The following PPP1R16A variants were observed in gnomAD, a reference collection of about 807,000 sequenced individuals.
The protein encoded by PPP1R16A is myosin phosphatase-targeting subunit 3.
PPP1R16A carries 39 observed loss-of-function variants against 46.6 expected under a neutral mutation model. The observed-to-expected ratio is 0.84, with a 90% CI of 0.65 to 1.09. The LOEUF (loss-of-function observed/expected upper bound fraction) is 1.09, where lower values mean the gene tolerates loss of function less well. PPP1R16A is among the 50% of genes least tolerant of loss of function. The pLI is 0.00. For missense variants in PPP1R16A, 798 were observed against 735.6 expected (o/e 1.08, Z -0.98); for synonymous variants, 413 against 321.5 (o/e 1.28, Z -3.04).
chr8:144,495,488 T>G (rs1473332335), intron 2 of PPP1R16A: 3 of 152,234 alleles, frequency 2.0e-5, no homozygotes, highest in Non-Finnish European at 4.4e-5. Flanking sequence ...CAGGCTGGAG[T>G]GCAGTGGCGT....
At chr8:144,482,176 G>A (rs933118095) in intron 1 of PPP1R16A, among the ~76,000 whole-genome samples, 8 of 151,372 alleles carry the variant, frequency 5.3e-5, no homozygotes, top group Non-Finnish European at 7.4e-5. Context: ...GGGTTCAAGC[G>A]ATTCTTCTGC....
chr8:144,494,374 G>A (rs1393226608), intron 2 of PPP1R16A, among the ~76,000 whole-genome samples: 2 of 152,056 alleles, frequency 1.3e-5, no homozygotes, highest in Non-Finnish European at 2.9e-5. Context: ...AGTGCAGGGT[G>A]TGATCTCAGC....
chr8:144,498,799 C>T lies in PPP1R16A; in HGVS notation c.289C>T (p.Pro97Ser). 6.2e-7 allele frequency: 1 copy of T among 1,602,686 alleles called. No homozygotes were observed. The highest frequency in any genetic ancestry group is 8.5e-7 in the Non-Finnish European group (1 of 1,171,770). The change falls in exon 4 of 12, where the codon CCT becomes TCT. Residue 97 changes from proline to serine, a missense_variant. Physicochemically the swap from Pro to Ser is moderately conservative, Grantham distance 74. Transcript: ENST00000435887. ...CCAGTTCCTTGGGAGTGGGGTCAGC[C>T]CTGACTTGGCCAACGAGGACGGCCT... ...VRQFLGSGVS[P>S]DLANEDGLTA...
rs752165596 is a variant in PPP1R16A, at chr8:144,501,741, G to T, written c.1425G>T (p.Gly475=). Reference sequence around the variant, plus strand: ...AGCTGCAGCGACCCCCACCTGAGGGGCCCGAGAGCCCTGAGACAGCTGAGC... The same window carrying T: ...AGCTGCAGCGACCCCCACCTGAGGGTCCCGAGAGCCCTGAGACAGCTGAGC... ...AAKLQRPPPE[G]PESPETAEPG... The change falls in exon 12 of 12, where the codon GGG becomes GGT. Residue 475 remains glycine, a synonymous_variant. Transcript: ENST00000435887. 2 of 1,576,700 alleles carry T rather than the reference G, an allele frequency of 1.3e-6. No homozygotes were observed. The highest frequency in any genetic ancestry group is 1.7e-6 in the Non-Finnish European group (2 of 1,162,286).
chr8:144,501,415 T>C (rs565732831), intron 11 of PPP1R16A, 105 bp from the exon 12 acceptor site: 1 of 1,477,746 alleles, frequency 6.8e-7, no homozygotes, highest in South Asian at 1.4e-5. Context: ...GGCCAGCTTT[T>C]GCCCCATCTC....
chr8:144,497,535 G>A (rs1443292587), intron 3 of PPP1R16A, 82 bp downstream of exon 3: 2 of 1,574,650 alleles, frequency 1.3e-6, no homozygotes, highest in Non-Finnish European at 1.7e-6. Context: ...CCAAGGCTGG[G>A]GGCTGGGCCT....
At chr8:144,498,155 G>A (rs755619842) in intron 3 of PPP1R16A, 48 of 444,944 alleles carry the variant, frequency 1.1e-4, no homozygotes, top group Non-Finnish European at 2.0e-4. Context: ...GAGCCCTCCC[G>A]GGAGGCCTGG....
chr8:144,479,215 G>A (rs1825301394), intron 1 of PPP1R16A: 1 of 152,576 alleles, frequency 6.6e-6, no homozygotes, highest in Admixed American at 6.5e-5. Flanking sequence ...AGGAGCTCCG[G>A]CGGCGTGCGG....
intron 1 of PPP1R16A, among the ~76,000 whole-genome samples, chr8:144,483,110 CA>C (rs1327125295): frequency 6.6e-6 from 1 of 152,162 alleles, no homozygotes; most frequent in African/African-American, 2.4e-5. Flanking sequence ...CGTATGTACC[CA>C]GAAGTAGGAT....
chr8:144,499,793 T>C, intron 5 of PPP1R16A: 2 of 369,744 alleles, frequency 5.4e-6, no homozygotes, highest in Admixed American at 7.9e-5. Context: ...CGCCACCCTG[T>C]GCTCCCTGCT....
chr8:144,486,040 G>A (rs1825615096), intron 1 of PPP1R16A, among the ~76,000 whole-genome samples: 1 of 152,166 alleles, frequency 6.6e-6, no homozygotes, highest in Non-Finnish European at 1.5e-5. Context: ...ATGGATGGAC[G>A]GACCATCATG....
rs779680086 is a variant in PPP1R16A at position 144,497,471 on chromosome 8, C to T, written c.259+18C>T. On this transcript the variant is annotated intron_variant, in intron 3 of 11. Transcript: ENST00000435887. The stretch of plus-strand genomic sequence containing the variant: ...GGAAGAAGGTGAGTGTGGCTGAGCC[C>T]AGAGCAGCTCCCAGCAGACGGCCCA... The T allele has an allele frequency of 1.2e-6, 2 of 1,611,748 alleles. No homozygotes were observed. Among genetic ancestry groups the T allele is most frequent in the Middle Eastern group, 3.3e-4 (2 of 6,060 alleles).
At chr8:144,480,808 C>T (rs1356608003) in intron 1 of PPP1R16A, among the ~76,000 whole-genome samples, 2 of 151,710 alleles carry the variant, frequency 1.3e-5, no homozygotes, top group South Asian at 2.1e-4. Flanking sequence ...TTACATCAAA[C>T]TTTATTGAGG....
At chr8:144,495,432 TTTTCTTTCTTCC>T (rs1483846609) in intron 2 of PPP1R16A, 1 of 152,148 alleles carries the variant, frequency 6.6e-6, no homozygotes, top group African/African-American at 2.4e-5. Context: ...GCCTTCTTTC[TTTTCTTTCTTCC>T]TTTCTTTCTT....
At chr8:144,501,018 A>C in intron 10 of PPP1R16A, 47 bp downstream of exon 10, 2 of 1,461,782 alleles carry the variant, frequency 1.4e-6, no homozygotes, top group Non-Finnish European at 1.8e-6. Flanking sequence ...GGCCCCGCGG[A>C]CGTCAGCCCC....
intron 1 of PPP1R16A, among the ~76,000 whole-genome samples, chr8:144,489,622 C>T (rs1461505493): frequency 2.0e-5 from 3 of 152,264 alleles, no homozygotes; most frequent in South Asian, 2.1e-4. Flanking sequence ...CCTCCAGAGC[C>T]TCCTCTTCTG....
intron 1 of PPP1R16A, among the ~76,000 whole-genome samples, chr8:144,486,897 TG>T (rs1275622906): frequency 2.0e-5 from 3 of 152,238 alleles, no homozygotes; most frequent in Non-Finnish European, 4.4e-5. Context: ...ACTGTGCTTT[TG>T]CTTTTGGTGT....
chr8:144,484,057 G>C (rs1200260311), intron 1 of PPP1R16A, among the ~76,000 whole-genome samples: 2 of 152,202 alleles, frequency 1.3e-5, no homozygotes, highest in African/African-American at 4.8e-5. Context: ...TGCGCCCTAG[G>C]TTGGTTGTCT....
chr8:144,498,502 C>G (rs1279844411), intron 3 of PPP1R16A: 1 of 491,328 alleles, frequency 2.0e-6, no homozygotes, highest in African/African-American at 1.9e-5. Context: ...TGCTCTCACA[C>G]AGGAGCACGG....
Sources: allele counts gnomAD v4.1 joint callset (sites outside exome capture counted in the v4.1 genomes callset), GRCh38; gene constraint gnomAD v4.1.1; transcripts MANE v1.5; gene names NCBI Gene and HGNC (gene_info 2026-07-23, HGNC 2026-07-21).